The following UNC5B variants were observed in gnomAD, a reference collection of about 807,000 sequenced individuals.
UNC5B encodes netrin receptor UNC5B.
A neutral mutation model predicts 103.7 loss-of-function variants in UNC5B; 56 were observed. The observed-to-expected ratio is 0.54, with a 90% CI of 0.44 to 0.67. The LOEUF is 0.67. Among genes scored for constraint, UNC5B ranks in the 30% least tolerant of loss-of-function variants. The probability of loss-of-function intolerance (pLI) is 0.00; values close to 1 mark genes in which losing one functional copy is unlikely to be tolerated. For synonymous variants in UNC5B, 577 were observed against 542.0 expected (o/e 1.06, Z -0.90); for missense variants, 1,194 against 1,284.5 (o/e 0.93, Z 1.08).
chr10:71,300,135 A>C lies in UNC5B; in HGVS notation c.*858A>C, dbSNP rs548760033. On this transcript the variant is annotated 3_prime_UTR_variant, in exon 17 of 17. Transcript: ENST00000335350. ...TTTGCTGCTAACGAATCCATCTTGGACTAAATTCTGACAAGGCCTCAGTTT... is the reference window on the plus strand; with the variant it reads ...TTTGCTGCTAACGAATCCATCTTGGCCTAAATTCTGACAAGGCCTCAGTTT... 1 of 152,148 alleles carries C rather than the reference A, an allele frequency of 6.6e-6. No individual in the cohort carries two copies. Among genetic ancestry groups the C allele is most frequent in the South Asian group, 2.1e-4 (1 of 4,820 alleles). The allele number at this position is 152,148 out of a possible 1,614,324, so 9.4% of individuals were successfully genotyped here.
At position 71,213,971 on chromosome 10, in the gene UNC5B, C is replaced by T. The variant is rs984218640; in HGVS notation, c.79+907C>T. 1.2e-4 allele frequency among the ~76,000 whole-genome samples: 18 copies of T among 151,968 alleles called. No homozygotes were observed. The highest frequency in any genetic ancestry group is 3.9e-4 in the African/African-American group (16 of 41,422). The stretch of plus-strand genomic sequence containing the variant: ...GCCGTGGATGAATACGTTTCTCGCT[C>T]GTCCTGTAGCTGGACCCGGCGTCGC... On this transcript the variant is annotated intron_variant, in intron 1 of 16. Transcript: ENST00000335350. The surrounding 1 kb of genome is among the most constrained non-coding windows in gnomAD (Gnocchi z 4.1).
At chr10:71,224,091 G>A (rs989748121) in intron 1 of UNC5B, among the ~76,000 whole-genome samples, 3 of 152,202 alleles carry the variant, frequency 2.0e-5, no homozygotes, top group Non-Finnish European at 2.9e-5. Context: ...GTCCTTGTCA[G>A]GAGTCCCTGC....
At chr10:71,229,738 G>A (rs1843645645) in intron 1 of UNC5B, among the ~76,000 whole-genome samples, 2 of 152,182 alleles carry the variant, frequency 1.3e-5, no homozygotes, top group African/African-American at 4.8e-5. Context: ...GTGCTTCTGG[G>A]GCAGGGCGTG....
At chr10:71,278,256 G>A (rs1483161486) in intron 1 of UNC5B, among the ~76,000 whole-genome samples, 1 of 152,184 alleles carries the variant, frequency 6.6e-6, no homozygotes, top group Non-Finnish European at 1.5e-5. Context: ...CAACATGTAC[G>A]TACCTACTGT....
rs1164782341 is a variant in UNC5B, at chr10:71,291,474, C to T, written c.1337C>T (p.Thr446Ile). The T allele has an allele frequency of 6.2e-7, 1 of 1,613,744 alleles. No homozygotes were observed. Among genetic ancestry groups the T allele is most frequent in the Non-Finnish European group, 8.5e-7 (1 of 1,179,792 alleles). The change falls in exon 10 of 17, where the codon ACA becomes ATA. Residue 446 changes from threonine (T) to isoleucine (I), a missense_variant. By Grantham distance (89) the Thr-to-Ile change is moderately conservative (BLOSUM62 -1). Coordinates refer to ENST00000335350, the MANE Select transcript of UNC5B (RefSeq NM_170744.5). Reference protein sequence around the residue: ...LLHPSVPPDLTASAGIYRGPV... With the variant: ...LLHPSVPPDLIASAGIYRGPV... ...CACCCCTCTGTGCCTCCTGACCTGACAGCCAGCGCCGGCATCTACCGCGGA... is the reference window on the plus strand; with the variant it reads ...CACCCCTCTGTGCCTCCTGACCTGATAGCCAGCGCCGGCATCTACCGCGGA...
intron 1 of UNC5B, among the ~76,000 whole-genome samples, chr10:71,241,787 G>A (rs56185841): frequency 0.063 from 9,647 of 152,084 alleles, 361 homozygotes; most frequent in East Asian, 0.14. Flanking sequence ...GCCCAAGGAC[G>A]CAGGATCATC....
chr10:71,278,316 C>A (rs927950591), intron 1 of UNC5B, among the ~76,000 whole-genome samples: 2 of 152,224 alleles, frequency 1.3e-5, no homozygotes, highest in Non-Finnish European at 2.9e-5. Flanking sequence ...ATCCTCAGAG[C>A]AGCCCAGAGA....
chr10:71,288,638 C>G lies in UNC5B; in HGVS notation c.972C>G (p.Arg324=), dbSNP rs531057554. 2 of 1,613,962 alleles carry G rather than the reference C, an allele frequency of 1.2e-6. No homozygotes were observed. The highest frequency in any genetic ancestry group is 2.2e-5 in the East Asian group (1 of 44,878). The change falls in exon 7 of 17, where the codon CGC becomes CGG. Residue 324 remains arginine (R), a synonymous_variant. Transcript: ENST00000335350. The part of the protein sequence containing the change: ...CSTECAHWRS[R]ECMAPPPQNG... ...CTGAGTGTGCCCACTGGCGTAGCCG[C>G]GAGTGCATGGCGCCCCCACCCCAGA...
chr10:71,238,674 T>G (rs1388880813), intron 1 of UNC5B, among the ~76,000 whole-genome samples: 1 of 152,116 alleles, frequency 6.6e-6, no homozygotes, highest in Non-Finnish European at 1.5e-5. Flanking sequence ...AGGCTGGTCT[T>G]GAACTCCTGA....
intron 1 of UNC5B, among the ~76,000 whole-genome samples, chr10:71,270,848 G>A (rs1844630668): frequency 6.6e-6 from 1 of 152,192 alleles, no homozygotes; most frequent in African/African-American, 2.4e-5. Flanking sequence ...TAAAATAGCA[G>A]GTCTGAGTCA....
intron 1 of UNC5B, among the ~76,000 whole-genome samples, chr10:71,258,766 G>GCT (rs1844348798): frequency 2.0e-5 from 3 of 152,228 alleles, no homozygotes; most frequent in Non-Finnish European, 2.9e-5. Flanking sequence ...GAGTCACCAA[G>GCT]GTCCCCACCC....
At chr10:71,280,644 G>A (rs954629290) in intron 2 of UNC5B, among the ~76,000 whole-genome samples, 18 of 152,328 alleles carry the variant, frequency 1.2e-4, no homozygotes, top group Middle Eastern at 3.4e-3. Context: ...CTTCCTTCTC[G>A]GATATGTGGG....
chr10:71,268,660 C>T (rs189313105), intron 1 of UNC5B, among the ~76,000 whole-genome samples: 17 of 152,312 alleles, frequency 1.1e-4, no homozygotes, highest in East Asian at 1.9e-4. Context: ...AAGGGTTGTT[C>T]GGTTCTAGAG....
chr10:71,227,623 T>TATATACATATATATACAC (rs1238877059), intron 1 of UNC5B, among the ~76,000 whole-genome samples: 3 of 143,230 alleles, frequency 2.1e-5, no homozygotes, highest in Non-Finnish European at 4.6e-5. Context: ...TATATATACA[T>TATATACATATATATACAC]ATATACATAT....
intron 1 of UNC5B, among the ~76,000 whole-genome samples, chr10:71,253,800 G>C (rs1342720510): frequency 1.3e-5 from 2 of 152,170 alleles, no homozygotes; most frequent in Non-Finnish European, 2.9e-5. Context: ...CTGGTCAGTA[G>C]GGGAGCAGGG....
intron 2 of UNC5B, among the ~76,000 whole-genome samples, chr10:71,282,626 G>T (rs547504181): frequency 3.9e-5 from 6 of 152,222 alleles, no homozygotes; most frequent in Non-Finnish European, 8.8e-5. Flanking sequence ...CCAGCCTGTG[G>T]GCAGCCATGG....
intron 1 of UNC5B, among the ~76,000 whole-genome samples, chr10:71,275,530 A>C (rs1477737071): frequency 6.6e-6 from 1 of 152,174 alleles, no homozygotes; most frequent in Non-Finnish European, 1.5e-5. Flanking sequence ...CACATAGTAG[A>C]CCTAAATGCC....
intron 1 of UNC5B, among the ~76,000 whole-genome samples, chr10:71,258,180 C>T (rs899509852): frequency 3.3e-5 from 5 of 152,316 alleles, no homozygotes; most frequent in East Asian, 1.9e-4. Context: ...CTATCGATGC[C>T]GAGACTCTAT....
At chr10:71,225,703 C>T (rs1843547957) in intron 1 of UNC5B, among the ~76,000 whole-genome samples, 1 of 152,268 alleles carries the variant, frequency 6.6e-6, no homozygotes, top group South Asian at 2.1e-4. Flanking sequence ...TTTGTTCCCT[C>T]CCAGCCCACC....
Sources: gnomAD v4.1 joint callset for allele counts (sites outside exome capture counted in the v4.1 genomes callset) on GRCh38, gnomAD v4.1.1 for gene constraint, Gnocchi (gnomAD v3.1) non-coding constraint, MANE v1.5 for transcripts, NCBI Gene and HGNC (gene_info 2026-07-23, HGNC 2026-07-21) for gene names.